Variants in FAM193A observed in about 807,000 individuals in gnomAD.
The protein encoded by FAM193A is protein FAM193A.
In FAM193A, 22 loss-of-function variants were observed where a neutral mutation model predicts 126.5. That is an observed-to-expected ratio of 0.17 (90% CI 0.12 to 0.25). The LOEUF (loss-of-function observed/expected upper bound fraction) is 0.25. Among genes scored for constraint, FAM193A ranks in the 10% least tolerant of loss-of-function variants. The probability of loss-of-function intolerance (pLI) is 1.00; values close to 1 mark genes in which losing one functional copy is unlikely to be tolerated. For synonymous variants in FAM193A, 761 were observed against 646.8 expected, an observed-to-expected ratio of 1.18 and a Z score of -2.68; for missense variants, 1,675 against 1,672.8, an observed-to-expected ratio of 1.00 and a Z score of -0.02.
chr4:2,698,308 G>A (rs1717276051), intron 18 of FAM193A, among the ~76,000 whole-genome samples: 1 of 152,210 alleles, frequency 6.6e-6, no homozygotes, highest in African/African-American at 2.4e-5. Flanking sequence ...GATCAGCTCT[G>A]AGAGGATGCC....
intron 13 of FAM193A, among the ~76,000 whole-genome samples, chr4:2,684,980 C>G (rs182905089): frequency 3.3e-5 from 5 of 152,178 alleles, no homozygotes; most frequent in African/African-American, 1.2e-4. Flanking sequence ...AGGAAGTTAA[C>G]GACTACAGGG....
In FAM193A at chr4:2,617,555, C is replaced by T. The variant is rs1038893010; in HGVS notation, c.502-7707C>T. On this transcript the variant is annotated intron_variant, in intron 2 of 20. Coordinates refer to ENST00000637812, the MANE Select transcript of FAM193A (RefSeq NM_001366318.2). Reference sequence around the variant, plus strand: ...CTGGGATTACAGGCATGAGCCACCGCGTCTGGCCTATGAATATTTTAAACT... The same window carrying T: ...CTGGGATTACAGGCATGAGCCACCGTGTCTGGCCTATGAATATTTTAAACT... Among the ~76,000 whole-genome samples, 4 of 151,802 alleles carry T rather than the reference C, an allele frequency of 2.6e-5. No homozygotes were observed. In the East Asian group the frequency reaches 5.8e-4, roughly 22 times the overall value.
chr4:2,716,904 G>A (rs1393989996), intron 20 of FAM193A, among the ~76,000 whole-genome samples: 3 of 152,114 alleles, frequency 2.0e-5, no homozygotes, highest in Non-Finnish European at 4.4e-5. Context: ...TCAAACTCCT[G>A]ACCTCAGGTG....
chr4:2,583,146 A>G (rs550580786), intron 1 of FAM193A, among the ~76,000 whole-genome samples: 2 of 152,308 alleles, frequency 1.3e-5, no homozygotes, highest in South Asian at 2.1e-4. Context: ...TATTTTCAGT[A>G]GAGACAGAAC....
At chr4:2,537,943 T>G (rs1441313837) in intron 1 of FAM193A, among the ~76,000 whole-genome samples, 1 of 152,208 alleles carries the variant, frequency 6.6e-6, no homozygotes, top group Non-Finnish European at 1.5e-5. Flanking sequence ...CTACCAATTA[T>G]GGATTCCTGC....
At chr4:2,658,608 G>T (rs1712006098) in intron 8 of FAM193A, among the ~76,000 whole-genome samples, 1 of 152,102 alleles carries the variant, frequency 6.6e-6, no homozygotes, top group South Asian at 2.1e-4. Context: ...AAATATTGGT[G>T]GTTCCCTGGC....
intron 5 of FAM193A, among the ~76,000 whole-genome samples, chr4:2,635,833 C>T (rs34626871): frequency 0.32 from 49,293 of 152,066 alleles, 9,469 homozygotes; most frequent in Admixed American, 0.52. Context: ...CCAGCGCACC[C>T]GGCCAACATA....
intron 2 of FAM193A, among the ~76,000 whole-genome samples, chr4:2,608,856 C>T (rs1482263354): frequency 6.6e-6 from 1 of 151,108 alleles, no homozygotes; most frequent in African/African-American, 2.4e-5. Flanking sequence ...TCATCGATCT[C>T]TCTCTTTAAA....
chr4:2,610,246 C>CA (rs746467907), intron 2 of FAM193A, among the ~76,000 whole-genome samples: 7 of 151,626 alleles, frequency 4.6e-5, no homozygotes, highest in Non-Finnish European at 8.8e-5. Context: ...CAAAACAAAA[C>CA]AAAAAAAACT....
intron 4 of FAM193A, among the ~76,000 whole-genome samples, chr4:2,626,846 A>G (rs956373753): frequency 6.6e-6 from 1 of 152,220 alleles, no homozygotes; most frequent in East Asian, 1.9e-4. Flanking sequence ...AAGACTGATA[A>G]TAATACCTTC....
chr4:2,712,416 G>A (rs1719079899), intron 19 of FAM193A, among the ~76,000 whole-genome samples: 1 of 152,080 alleles, frequency 6.6e-6, no homozygotes, highest in African/African-American at 2.4e-5. Context: ...AGTTACTTGT[G>A]GCTTTTTGTG....
intron 3 of FAM193A, among the ~76,000 whole-genome samples, chr4:2,625,877 CCAT>C (rs1213492923): frequency 6.6e-6 from 1 of 152,018 alleles, no homozygotes; most frequent in Non-Finnish European, 1.5e-5. Context: ...GCGCGCACCA[CCAT>C]GTCGGGCTAA....
rs759236535 is a variant in FAM193A at position 2,663,273 on chromosome 4, C to G, written c.2064C>G (p.Ser688=). 6.3e-7 allele frequency: 1 copy of G among 1,588,718 alleles called. No homozygotes were observed. The highest frequency in any genetic ancestry group is 8.5e-7 in the Non-Finnish European group (1 of 1,170,626). Residue 688 remains serine (S), a synonymous_variant, in exon 12 of 21, where the codon TCC becomes TCG. Coordinates refer to ENST00000637812, the MANE Select transcript of FAM193A (RefSeq NM_001366318.2). ...EESKADSPPP[S]YPTQQAEQAP... ...GCAAAGCAGACAGTCCACCCCCATC[C>G]TACCCAACACAGCAGGTAGGACTTT... is the stretch of plus-strand genomic sequence containing the variant.
chr4:2,698,008 A>C lies in FAM193A; in HGVS notation c.3507+1415A>C, dbSNP rs557990987. ...CAGACTTGAGGCCCAGCTGAACCTT[A>C]GAGGCTGATGTCATAGGCCCTGCCC... On this transcript the variant is annotated intron_variant, in intron 18 of 20. Transcript: ENST00000637812. 3.3e-5 allele frequency among the ~76,000 whole-genome samples: 5 copies of C among 152,290 alleles called. No individual in the cohort carries two copies. The East Asian group carries it at 9.7e-4, about 29-fold the overall frequency.
chr4:2,731,704 G>A, intron 20 of FAM193A, 71 bp from the exon 21 acceptor site: 1 of 1,184,004 alleles, frequency 8.4e-7, no homozygotes, highest in Non-Finnish European at 1.3e-6. Flanking sequence ...GGAGTGTGAT[G>A]GGCTTTGCCA....
chr4:2,641,717 T>C (rs2109032949), intron 6 of FAM193A, among the ~76,000 whole-genome samples: 1 of 152,290 alleles, frequency 6.6e-6, no homozygotes, highest in East Asian at 1.9e-4. Context: ...CTTTGTTTCC[T>C]GTATTCCCAA....
chr4:2,693,404 T>C (rs571412401), intron 15 of FAM193A, among the ~76,000 whole-genome samples, 182 bp from the exon 16 acceptor site: 1 of 152,320 alleles, frequency 6.6e-6, no homozygotes, highest in South Asian at 2.1e-4. Flanking sequence ...TTGCAGACGT[T>C]CGGCTAAAAA....
intron 13 of FAM193A, among the ~76,000 whole-genome samples, chr4:2,673,373 G>A (rs553345993): frequency 6.6e-6 from 1 of 152,240 alleles, no homozygotes; most frequent in African/African-American, 2.4e-5. Context: ...TGTGAAGTGG[G>A]GTACATGTAG....
chr4:2,714,578 C>A (rs576936666), intron 19 of FAM193A, among the ~76,000 whole-genome samples: 2 of 152,130 alleles, frequency 1.3e-5, no homozygotes, highest in African/African-American at 4.8e-5. Context: ...CAGTTGGGAT[C>A]CGAGATAGCC....
Sources: gnomAD v4.1 joint callset for allele counts (sites outside exome capture counted in the v4.1 genomes callset) on GRCh38, gnomAD v4.1.1 for gene constraint, MANE v1.5 for transcripts, NCBI Gene and HGNC (gene_info 2026-07-23, HGNC 2026-07-21) for gene names.